The following STK39 variants were observed in gnomAD, a reference collection of about 807,000 sequenced individuals.
The protein encoded by STK39 is STE20/SPS1-related proline-alanine-rich protein kinase.
Under a neutral mutation model 77.8 loss-of-function variants are expected in STK39, and 20 were observed. That is an observed-to-expected ratio of 0.26 (90% CI 0.18 to 0.37). The LOEUF is 0.37. Ranked by LOEUF, STK39 falls within the 10% of genes least tolerant of loss-of-function variation. STK39 has a pLI of 1.00. For missense variants in STK39, 479 were observed against 656.5 expected, an observed-to-expected ratio of 0.73 and a Z score of 2.95; for synonymous variants, 246 against 234.1, an observed-to-expected ratio of 1.05 and a Z score of -0.47.
At position 168,079,204 on chromosome 2, in the gene STK39, C is replaced by A. The variant is rs367686041; in HGVS notation, c.1090-3973G>T. Among the ~76,000 whole-genome samples, 32 of 152,032 alleles carry A rather than the reference C, an allele frequency of 2.1e-4. 1 individual carries two copies. The South Asian group carries it at 6.6e-3, about 32-fold the overall frequency. ...TACTCTGACACTGCTCCTCTCTGACCACCACCTCTCTCGGCACCTCCATCC... is the reference window on the plus strand; with the variant it reads ...TACTCTGACACTGCTCCTCTCTGACAACCACCTCTCTCGGCACCTCCATCC... On this transcript the variant is annotated intron_variant, in intron 10 of 17. Transcript: ENST00000355999.
rs186664585 is a variant in STK39 at position 168,045,341 on chromosome 2, C to T, written c.1376+18159G>A. On this transcript the variant is annotated intron_variant, in intron 14 of 17. Transcript: ENST00000355999. Reference sequence around the variant, plus strand: ...ATCCTCTAGAACAGAAACACTCAGGCCCCCTGCCTCACCCACCCCCACACC... The same window carrying T: ...ATCCTCTAGAACAGAAACACTCAGGTCCCCTGCCTCACCCACCCCCACACC... Among the ~76,000 whole-genome samples the T allele has an allele frequency of 3.9e-3, 593 of 152,242 alleles. 6 individuals are homozygous for T. Among genetic ancestry groups the T allele is most frequent in the African/African-American group, 0.014 (576 of 41,528 alleles).
chr2:168,037,321 C>G (rs931741380), intron 14 of STK39, among the ~76,000 whole-genome samples: 1 of 152,146 alleles, frequency 6.6e-6, no homozygotes, highest in East Asian at 1.9e-4. Context: ...ATAATTCAGT[C>G]TATTAGAGCT....
At chr2:168,034,659 T>C (rs1409127002) in intron 14 of STK39, among the ~76,000 whole-genome samples, 1 of 152,142 alleles carries the variant, frequency 6.6e-6, no homozygotes, top group Non-Finnish European at 1.5e-5. Context: ...AAACACAGGG[T>C]GCTATTTAAT....
At chr2:168,095,219 C>A (rs1334330153) in intron 10 of STK39, among the ~76,000 whole-genome samples, 4 of 152,202 alleles carry the variant, frequency 2.6e-5, no homozygotes, top group Non-Finnish European at 5.9e-5. Flanking sequence ...CAGCTCACAG[C>A]ACCGCATCCC....
chr2:168,092,578 C>T (rs1032847827), intron 10 of STK39, among the ~76,000 whole-genome samples: 10 of 152,042 alleles, frequency 6.6e-5, no homozygotes, highest in Admixed American at 5.2e-4. Context: ...GATAAAATAC[C>T]GTTTAAAAAA....
intron 8 of STK39, among the ~76,000 whole-genome samples, chr2:168,132,297 T>C (rs1687717964): frequency 1.3e-5 from 2 of 152,138 alleles, no homozygotes; most frequent in Admixed American, 1.3e-4. Flanking sequence ...CTCTGGCTAA[T>C]ATAGTTAAAT....
At chr2:167,963,251 G>A (rs181655814) in intron 17 of STK39, among the ~76,000 whole-genome samples, 56 of 151,994 alleles carry the variant, frequency 3.7e-4, no homozygotes, top group African/African-American at 1.3e-3. Flanking sequence ...AGATGAGGGA[G>A]AGTTTTACAT....
At chr2:168,046,801 G>A (rs1480116701) in intron 14 of STK39, among the ~76,000 whole-genome samples, 1 of 152,204 alleles carries the variant, frequency 6.6e-6, no homozygotes, top group Non-Finnish European at 1.5e-5. Flanking sequence ...AGGGGATAAA[G>A]GTGAAACTGC....
chr2:168,058,441 C>A (rs927105121), intron 14 of STK39, among the ~76,000 whole-genome samples: 11 of 152,200 alleles, frequency 7.2e-5, no homozygotes, highest in Non-Finnish European at 1.5e-5. Context: ...CACTTACTCC[C>A]TAGATGATTC....
At chr2:168,165,217 T>C (rs1369713664) in intron 3 of STK39, among the ~76,000 whole-genome samples, 1 of 151,994 alleles carries the variant, frequency 6.6e-6, no homozygotes, top group Non-Finnish European at 1.5e-5. Context: ...TGAACAAGAG[T>C]CCACGTCTGC....
intron 1 of STK39, among the ~76,000 whole-genome samples, chr2:168,235,483 G>A (rs1690578004): frequency 6.6e-6 from 1 of 151,636 alleles, no homozygotes; most frequent in Non-Finnish European, 1.5e-5. Context: ...TAAGTTTTAG[G>A]GTACATGTGT....
At chr2:168,211,229 C>T (rs959505174) in intron 1 of STK39, among the ~76,000 whole-genome samples, 6 of 148,100 alleles carry the variant, frequency 4.1e-5, no homozygotes, top group Non-Finnish European at 7.5e-5. Context: ...TTATCTCTCC[C>T]ACCCCATCTA....
At chr2:168,241,344 A>C (rs2105280154) in intron 1 of STK39, among the ~76,000 whole-genome samples, 1 of 152,302 alleles carries the variant, frequency 6.6e-6, no homozygotes, top group Non-Finnish European at 1.5e-5. Flanking sequence ...GCCTCCGGGC[A>C]AACTCAGAGG....
chr2:167,965,411 A>G (rs776512885), intron 16 of STK39, among the ~76,000 whole-genome samples: 17 of 152,320 alleles, frequency 1.1e-4, no homozygotes, highest in Non-Finnish European at 2.1e-4. Context: ...ATATGTTTTC[A>G]GTATTAGCTG....
At chr2:168,124,683 G>A (rs567397209) in intron 10 of STK39, among the ~76,000 whole-genome samples, 92 of 152,274 alleles carry the variant, frequency 6.0e-4, no homozygotes, top group Non-Finnish European at 1.2e-3. Flanking sequence ...ACAGGTGTGA[G>A]CCACTGCGCC....
At chr2:168,024,499 A>G (rs1178713630) in intron 14 of STK39, among the ~76,000 whole-genome samples, 1 of 152,180 alleles carries the variant, frequency 6.6e-6, no homozygotes, top group Non-Finnish European at 1.5e-5. Context: ...TGCCAATTCT[A>G]AAAGCGCTTG....
chr2:168,087,297 T>C (rs1398474868), intron 10 of STK39, among the ~76,000 whole-genome samples: 3 of 152,130 alleles, frequency 2.0e-5, no homozygotes, highest in Non-Finnish European at 4.4e-5. Context: ...AACCAGAAGA[T>C]TTCTGACAAG....
At chr2:168,128,933 T>C (rs768572472) in intron 10 of STK39, among the ~76,000 whole-genome samples, 9 of 152,142 alleles carry the variant, frequency 5.9e-5, no homozygotes, top group Non-Finnish European at 8.8e-5. Flanking sequence ...TTAGGTTTCA[T>C]ACCACAATGA....
chr2:167,961,631 G>A (rs560499617), intron 17 of STK39, among the ~76,000 whole-genome samples: 1 of 152,220 alleles, frequency 6.6e-6, no homozygotes, highest in East Asian at 1.9e-4. Flanking sequence ...GAGCTGAAAT[G>A]CCCTCTATGC....
Sources: allele counts gnomAD v4.1 joint callset (sites outside exome capture counted in the v4.1 genomes callset), GRCh38; gene constraint gnomAD v4.1.1; transcripts MANE v1.5; gene names NCBI Gene and HGNC (gene_info 2026-07-23, HGNC 2026-07-21).